The following STAR variants were observed in gnomAD, a reference collection of about 807,000 sequenced individuals.
STAR encodes steroidogenic acute regulatory protein, mitochondrial.
In STAR, 32 loss-of-function variants were observed where a neutral mutation model predicts 32.3. That is an observed-to-expected ratio of 0.99 (90% CI 0.75 to 1.33). The LOEUF (loss-of-function observed/expected upper bound fraction) is 1.33. Among genes scored for constraint, STAR ranks in the 40% most tolerant of loss-of-function variants. The pLI is 0.00. For synonymous variants in STAR, 134 were observed against 140.5 expected (o/e 0.95, Z 0.33); for missense variants, 375 against 379.0 (o/e 0.99, Z 0.09).
intron 5 of STAR, chr8:38,145,736 G>T (rs1159124155): frequency 1.6e-6 from 1 of 621,244 alleles, no homozygotes; most frequent in African/African-American, 1.8e-5. Flanking sequence ...AATTATTAAG[G>T]TTCTTAAACT....
chr8:38,145,489 T>C (rs993323860), intron 5 of STAR, 174 bp from the exon 6 acceptor site: 1 of 850,942 alleles, frequency 1.2e-6, no homozygotes, highest in Non-Finnish European at 1.9e-6. Flanking sequence ...AGTTACCAGC[T>C]CATCAGAATA....
At chr8:38,148,986 C>A in intron 1 of STAR, 1 of 551,860 alleles carries the variant, frequency 1.8e-6, no homozygotes, top group Non-Finnish European at 3.3e-6. Flanking sequence ...AGGCCTGGCC[C>A]TGCCTGGAGA....
chr8:38,149,229 C>G (rs1802628526), intron 1 of STAR: 1 of 191,230 alleles, frequency 5.2e-6, no homozygotes, highest in Non-Finnish European at 1.1e-5. Flanking sequence ...GCATAAGCTA[C>G]TCTGTGTGCC....
intron 3 of STAR, among the ~76,000 whole-genome samples, 189 bp from the exon 4 acceptor site, chr8:38,146,636 A>G (rs1386427058): frequency 2.0e-5 from 3 of 152,074 alleles, no homozygotes; most frequent in African/African-American, 4.8e-5. Flanking sequence ...TTAGCCAGAC[A>G]TGGTGGCAGG....
Position 38,150,679 on chromosome 8 carries a change from A to T in STAR, c.64+76T>A, listed in dbSNP as rs1802651056. 13 of 1,597,870 alleles carry T rather than the reference A, an allele frequency of 8.1e-6. 1 individual carries two copies. In the South Asian group the frequency reaches 1.4e-4, roughly 18 times the overall value. On this transcript the variant is annotated intron_variant, in intron 1 of 6. Transcript: ENST00000276449. ...TCACCCAGTAAGAGGCACAACTAGG[A>T]TCAGAATTGGGTGGCCTGAGCCTCA...
chr8:38,147,751 G>T (rs1428829848), intron 3 of STAR, among the ~76,000 whole-genome samples: 1 of 152,208 alleles, frequency 6.6e-6, no homozygotes, highest in Non-Finnish European at 1.5e-5. Context: ...CTCAAGCGCA[G>T]AGAACCCCAG....
At chr8:38,149,770 C>T (rs1047876095) in intron 1 of STAR, among the ~76,000 whole-genome samples, 46 of 152,068 alleles carry the variant, frequency 3.0e-4, no homozygotes, top group African/African-American at 1.1e-3. Flanking sequence ...ACCCAGGACG[C>T]AGAGGCTGCA....
Position 38,146,426 on chromosome 8 carries a change from T to G in STAR, c.328A>C (p.Ser110Arg), listed in dbSNP as rs1802575775. The change falls in exon 4 of 7, where the codon AGT becomes CGT. Residue 110 changes from serine (S) to arginine (R), a missense_variant. By Grantham distance (110) the Ser-to-Arg change is moderately radical. Transcript: ENST00000276449. ...TTGCCCACATCTGGGACCACTTTAC[T>G]CATCACTTTGTCCCCATTGTCCTGT... ...SQQDNGDKVMSKVVPDVGKVF... is the reference protein window; with the variant it reads ...SQQDNGDKVMRKVVPDVGKVF... 1 of 1,613,958 alleles carries G rather than the reference T, an allele frequency of 6.2e-7. No individual in the cohort carries two copies. The highest frequency in any genetic ancestry group is 1.3e-5 in the African/African-American group (1 of 74,924).
intron 1 of STAR, 32 bp from the exon 2 acceptor site, chr8:38,148,786 TGGAA>T: frequency 6.3e-7 from 1 of 1,579,202 alleles, no homozygotes; most frequent in Non-Finnish European, 8.6e-7. Flanking sequence ...GTCTAGGAGC[TGGAA>T]AGCCCCTTAG....
intron 3 of STAR, among the ~76,000 whole-genome samples, 179 bp downstream of exon 3, chr8:38,148,021 T>C (rs1158580896): frequency 6.6e-6 from 1 of 152,240 alleles, no homozygotes; most frequent in Non-Finnish European, 1.5e-5. Context: ...GTGTCTTTTA[T>C]GGGGGAAGAG....
chr8:38,150,406 A>G (rs1315221394), intron 1 of STAR, among the ~76,000 whole-genome samples: 1 of 151,778 alleles, frequency 6.6e-6, no homozygotes, highest in Non-Finnish European at 1.5e-5. Flanking sequence ...AACAAAAAAA[A>G]AAGAAAAGGC....
chr8:38,145,122 C>A, intron 6 of STAR, 100 bp downstream of exon 6: 1 of 1,565,000 alleles, frequency 6.4e-7, no homozygotes, highest in South Asian at 1.2e-5. Flanking sequence ...GTGATTCTAT[C>A]AGAATAGAAG....
At position 38,150,752 on chromosome 8, in the gene STAR, C is replaced by T; in HGVS notation, c.64+3G>A. 1 of 1,606,912 alleles carries T rather than the reference C, an allele frequency of 6.2e-7. No homozygotes were observed. The highest frequency in any genetic ancestry group is 1.3e-5 in the African/African-American group (1 of 75,032). On this transcript the variant is annotated splice_donor_region_variant and intron_variant, in intron 1 of 6. Transcript: ENST00000276449. ...CTCATCGCCTCCTTCCCGCAGCGCT[C>T]ACCCTTCATGTTGCGCATGTGTCTG...
In STAR at chr8:38,150,750, C is replaced by G; in HGVS notation, c.64+5G>C. The G allele has an allele frequency of 6.2e-7, 1 of 1,606,784 alleles. No homozygotes were observed. The highest frequency in any genetic ancestry group is 1.6e-4 in the Middle Eastern group (1 of 6,062). ...CCCTCATCGCCTCCTTCCCGCAGCG[C>G]TCACCCTTCATGTTGCGCATGTGTC... is the stretch of plus-strand genomic sequence containing the variant. On this transcript the variant is annotated splice_donor_5th_base_variant and intron_variant, in intron 1 of 6. Coordinates refer to ENST00000276449, the MANE Select transcript of STAR (RefSeq NM_000349.3).
chr8:38,150,846 G>C lies in STAR; in HGVS notation c.-28C>G. The C allele has an allele frequency of 1.2e-6, 2 of 1,602,386 alleles. No individual in the cohort carries two copies. The highest frequency in any genetic ancestry group is 1.7e-5 in the Admixed American group (1 of 60,006). ...TTTCCTGGCAAATGTGGCAGTGGTG[G>C]GGTCGCTGCCGCTGCTGCTGCCGCC... On this transcript the variant is annotated 5_prime_UTR_variant, in exon 1 of 7. Transcript: ENST00000276449.
chr8:38,149,873 A>G (rs999602556), intron 1 of STAR, among the ~76,000 whole-genome samples: 1 of 152,178 alleles, frequency 6.6e-6, no homozygotes, highest in African/African-American at 2.4e-5. Context: ...GCTCATGCCT[A>G]TAATCCCAGC....
intron 6 of STAR, 173 bp downstream of exon 6, chr8:38,145,049 G>T: frequency 6.8e-7 from 1 of 1,471,632 alleles, no homozygotes. Flanking sequence ...GCCATCACAG[G>T]CTTTGGAGAT....
chr8:38,145,493 C>T, intron 5 of STAR, 178 bp from the exon 6 acceptor site: 1 of 822,924 alleles, frequency 1.2e-6, no homozygotes, highest in Non-Finnish European at 2.0e-6. Flanking sequence ...ACCAGCTCAT[C>T]AGAATAAAGG....
At position 38,150,927 on chromosome 8, in the gene STAR, G is replaced by A; in HGVS notation, c.-109C>T. On this transcript the variant is annotated 5_prime_UTR_variant, in exon 1 of 7. Transcript: ENST00000276449. Reference sequence around the variant, plus strand: ...TCTTCGTCCTTCCTGAGCCCCTCAAGCTTCGCCTCTGAGTCCCGCAGCTGC... The same window carrying A: ...TCTTCGTCCTTCCTGAGCCCCTCAAACTTCGCCTCTGAGTCCCGCAGCTGC... The A allele has an allele frequency of 1.9e-6, 3 of 1,596,162 alleles. No individual in the cohort carries two copies. The highest frequency in any genetic ancestry group is 2.5e-6 in the Non-Finnish European group (3 of 1,178,492).
Sources: allele counts gnomAD v4.1 joint callset (sites outside exome capture counted in the v4.1 genomes callset), GRCh38; gene constraint gnomAD v4.1.1; transcripts MANE v1.5; gene names NCBI Gene and HGNC (gene_info 2026-07-23, HGNC 2026-07-21).